Variants in ZDHHC23 observed in about 807,000 individuals in gnomAD.
ZDHHC23 encodes the protein palmitoyltransferase ZDHHC23.
Under a neutral mutation model 40.2 loss-of-function variants are expected in ZDHHC23, and 41 were observed. The observed-to-expected ratio is 1.02, with a 90% CI of 0.79 to 1.32. The LOEUF is 1.32. Ranked by LOEUF, ZDHHC23 falls within the 40% of genes most tolerant of loss-of-function variation. ZDHHC23 has a pLI of 0.00. For missense variants in ZDHHC23, 471 were observed against 541.5 expected (o/e 0.87, Z 1.29); for synonymous variants, 204 against 210.2 (o/e 0.97, Z 0.26).
chr3:113,968,176 T>A (rs1940407462), downstream of ZDHHC23, among the ~76,000 whole-genome samples: 1 of 152,172 alleles, frequency 6.6e-6, no homozygotes, highest in Non-Finnish European at 1.5e-5. Flanking sequence ...GATCATATGG[T>A]AGTTCTAATT....
chr3:113,971,097 G>A, the ZDHHC23 span, among the ~76,000 whole-genome samples: 3 of 152,104 alleles, frequency 2.0e-5, no homozygotes, highest in East Asian at 5.8e-4. Context: ...GGGATGGGTG[G>A]GTCAAATGGT....
chr3:113,964,464 C>A (rs138011995), downstream of ZDHHC23: 1 of 152,168 alleles, frequency 6.6e-6, no homozygotes, highest in Non-Finnish European at 1.5e-5. Flanking sequence ...GTGTATTATT[C>A]AGCAGTTGCA....
chr3:113,964,092 C>T (rs564226504), downstream of ZDHHC23: 1 of 152,062 alleles, frequency 6.6e-6, no homozygotes, highest in Admixed American at 6.6e-5. Context: ...GCAGGTGGTA[C>T]AGCTAGATAT....
Position 113,958,366 on chromosome 3 carries a change from G to T in ZDHHC23, c.1044G>T (p.Ser348=). 1.9e-6 allele frequency: 3 copies of T among 1,606,550 alleles called. No homozygotes were observed. The highest frequency in any genetic ancestry group is 2.6e-6 in the Non-Finnish European group (3 of 1,173,864). ...YCPGVYANYS[S]ALSFTCVWYS... The stretch of plus-strand genomic sequence containing the variant: ...ACAGCCTTTTTCCCTCTCCTAGCTC[G>T]GCTCTGTCCTTCACCTGCGTGTGGT... The change falls in exon 5 of 5, where the codon TCG becomes TCT. Residue 348 remains serine, a synonymous_variant. Transcript: ENST00000638807.
chr3:113,956,535 C>T (rs1939240860), intron 4 of ZDHHC23, 29 bp downstream of exon 4: 1 of 1,582,702 alleles, frequency 6.3e-7, no homozygotes, highest in Non-Finnish European at 8.6e-7. Flanking sequence ...AGTATGGAGG[C>T]CCCCTGGGAA....
At chr3:113,968,372 C>T (rs1188225522), downstream of ZDHHC23, among the ~76,000 whole-genome samples, 1 of 152,118 alleles carries the variant, frequency 6.6e-6, no homozygotes, top group African/African-American at 2.4e-5. Flanking sequence ...TTGGATTTCT[C>T]TGATAATTAG....
the ZDHHC23 span, among the ~76,000 whole-genome samples, chr3:113,976,742 A>AGAT: frequency 6.6e-6 from 1 of 152,144 alleles, no homozygotes; most frequent in Non-Finnish European, 1.5e-5. Context: ...TAAGATAGAT[A>AGAT]GATAGGTTCT....
Position 113,957,397 on chromosome 3 carries a change from T to G in ZDHHC23, c.1040+891T>G, listed in dbSNP as rs1055350752. The stretch of plus-strand genomic sequence containing the variant: ...CAGACACCTGTGGGCATTATTAGAA[T>G]AGATTGGTCTTCCTCAGATTAAGTT... On this transcript the variant is annotated intron_variant, in intron 4 of 4. Coordinates refer to ENST00000638807, the MANE Select transcript of ZDHHC23 (RefSeq NM_001320466.2). Among the ~76,000 whole-genome samples, 63 of 152,364 alleles carry G rather than the reference T, an allele frequency of 4.1e-4. 1 individual carries two copies. The highest frequency in any genetic ancestry group is 1.5e-3 in the African/African-American group (62 of 41,582).
At position 113,956,176 on chromosome 3, in the gene ZDHHC23, G is replaced by A. The variant is rs556633765; in HGVS notation, c.873-163G>A. ...AGAATTGCTTAACCGGGACCCGGGA[G>A]GCAGAGGTTGCAGTGAGCCAAGATC... On this transcript the variant is annotated intron_variant, in intron 3 of 4. Transcript: ENST00000638807. 2.6e-5 allele frequency among the ~76,000 whole-genome samples: 4 copies of A among 152,298 alleles called. No homozygotes were observed. The South Asian group carries it at 8.3e-4, about 32-fold the overall frequency.
chr3:113,978,714 T>C, the ZDHHC23 span: 4 of 867,220 alleles, frequency 4.6e-6, no homozygotes, highest in Non-Finnish European at 7.2e-6. Context: ...ATTTTCACAT[T>C]TATTTCAAAG....
chr3:113,959,091 T>C lies in ZDHHC23; in HGVS notation c.*461T>C, dbSNP rs1196226988. 3.2e-6 allele frequency: 3 copies of C among 939,720 alleles called. No individual in the cohort carries two copies. Among genetic ancestry groups the C allele is most frequent in the African/African-American group, 1.7e-5 (1 of 58,140 alleles). 58.2% of individuals were successfully genotyped at this position (939,720 alleles called of 1,614,324 possible). On this transcript the variant is annotated 3_prime_UTR_variant, in exon 5 of 5. Coordinates refer to ENST00000638807, the MANE Select transcript of ZDHHC23 (RefSeq NM_001320466.2). ...CCCTGGCTACCTCACAGAGCCGTCATGAGGGTCACGTGAGGGAAGATGGAT... is the reference window on the plus strand; with the variant it reads ...CCCTGGCTACCTCACAGAGCCGTCACGAGGGTCACGTGAGGGAAGATGGAT...
intron 3 of ZDHHC23, 29 bp downstream of exon 3, chr3:113,954,439 A>G: frequency 6.6e-7 from 1 of 1,515,718 alleles, no homozygotes; most frequent in Non-Finnish European, 8.9e-7. Flanking sequence ...GAGACTTGGA[A>G]AGTGTAAATT....
At chr3:113,965,390 T>C, downstream of ZDHHC23, 3 of 1,455,964 alleles carry the variant, frequency 2.1e-6, 1 homozygote, top group Admixed American at 4.5e-5. Flanking sequence ...AAAAGTGAAA[T>C]GTTGAGAAAA....
At chr3:113,956,885 T>C (rs1167435655) in intron 4 of ZDHHC23, among the ~76,000 whole-genome samples, 1 of 152,230 alleles carries the variant, frequency 6.6e-6, no homozygotes. Flanking sequence ...TCAGAAACCT[T>C]CTCACTTTAC....
At chr3:113,976,174 G>C in the ZDHHC23 span, among the ~76,000 whole-genome samples, 1 of 151,986 alleles carries the variant, frequency 6.6e-6, no homozygotes, top group East Asian at 1.9e-4. Flanking sequence ...CATGAGAATC[G>C]CTTGAACCCA....
At chr3:113,974,511 G>C in the ZDHHC23 span, among the ~76,000 whole-genome samples, 2 of 151,810 alleles carry the variant, frequency 1.3e-5, no homozygotes, top group Non-Finnish European at 2.9e-5. Context: ...GTAGAGAGGG[G>C]GTTTCACCAT....
At chr3:113,950,481 A>C (rs752842258) in intron 2 of ZDHHC23, among the ~76,000 whole-genome samples, 11 of 152,116 alleles carry the variant, frequency 7.2e-5, no homozygotes, top group Non-Finnish European at 1.5e-4. Context: ...GCTCTATTAT[A>C]AGGGCACAAG....
Position 113,951,630 on chromosome 3 carries a change from T to C in ZDHHC23, c.162-2070T>C, listed in dbSNP as rs187273886. 6.1e-4 allele frequency among the ~76,000 whole-genome samples: 93 copies of C among 152,210 alleles called. 1 individual carries two copies. In the South Asian group the frequency reaches 9.6e-3, roughly 16 times the overall value. ...CCCTCAAAGCCCTGGCACTTCAGGT[T>C]TGTGGTGGGAGCAGCAGCCCCAAGG... is the stretch of plus-strand genomic sequence containing the variant. On this transcript the variant is annotated intron_variant, in intron 2 of 4. Transcript: ENST00000638807.
the ZDHHC23 span, chr3:113,978,918 G>T: frequency 6.2e-7 from 1 of 1,613,960 alleles, no homozygotes; most frequent in East Asian, 2.2e-5. Flanking sequence ...GATCAGCCTG[G>T]GCCATCTTTC....
Sources: allele counts gnomAD v4.1 joint callset (sites outside exome capture counted in the v4.1 genomes callset), GRCh38; gene constraint gnomAD v4.1.1; transcripts MANE v1.5; gene names NCBI Gene and HGNC (gene_info 2026-07-23, HGNC 2026-07-21).